SCN8A: variants seen among roughly 807,000 people sequenced by gnomAD.
SCN8A encodes the protein sodium voltage-gated channel alpha subunit 8.
In SCN8A, 30 loss-of-function variants were observed where a neutral mutation model predicts 184.1. That is an observed-to-expected ratio of 0.16 (90% CI 0.12 to 0.22). The LOEUF (loss-of-function observed/expected upper bound fraction) is 0.22. SCN8A is among the 10% of genes least tolerant of loss of function. The pLI is 1.00. For missense variants in SCN8A, 1,057 were observed against 2,498.9 expected, an observed-to-expected ratio of 0.42 and a Z score of 12.30; for synonymous variants, 852 against 907.0, an observed-to-expected ratio of 0.94 and a Z score of 1.09.
At chr12:51,687,333 T>C (rs1941434951) in intron 5 of SCN8A, 114 bp downstream of exon 5, 1 of 1,214,700 alleles carries the variant, frequency 8.2e-7, no homozygotes, top group Non-Finnish European at 1.2e-6. Flanking sequence ...GAGGAATTAA[T>C]GGATAACCAT....
At chr12:51,770,082 G>A in intron 18 of SCN8A, 97 bp downstream of exon 18, 1 of 800,940 alleles carries the variant, frequency 1.2e-6, no homozygotes, top group Non-Finnish European at 2.1e-6. Flanking sequence ...CAGCTCAGTG[G>A]CTATCTTCAA....
At chr12:51,615,664 A>G (rs1012565135) in intron 1 of SCN8A, among the ~76,000 whole-genome samples, 1 of 152,138 alleles carries the variant, frequency 6.6e-6, no homozygotes, top group South Asian at 2.1e-4. Flanking sequence ...AAACCCAATC[A>G]ATAATGTTAT....
At chr12:51,644,360 T>TCAGTTAAGTTATCC (rs1344130473) in intron 1 of SCN8A, among the ~76,000 whole-genome samples, 9 of 152,188 alleles carry the variant, frequency 5.9e-5, no homozygotes, top group Non-Finnish European at 1.2e-4. Flanking sequence ...CTCAGTTTTC[T>TCAGTTAAGTTATCC]CATCAGTGGT....
chr12:51,646,915 G>A (rs1940603068), intron 1 of SCN8A, among the ~76,000 whole-genome samples: 2 of 152,322 alleles, frequency 1.3e-5, no homozygotes, highest in African/African-American at 2.4e-5. Context: ...TGTACAAGGT[G>A]GAAACCTGTC....
intron 1 of SCN8A, among the ~76,000 whole-genome samples, chr12:51,592,318 C>G (rs1227794804): frequency 6.6e-6 from 1 of 152,002 alleles, no homozygotes; most frequent in African/African-American, 2.4e-5. Context: ...ACTTGGCTAA[C>G]TTTCCAGGGG....
At chr12:51,782,534 C>T (rs868149108) in intron 21 of SCN8A, among the ~76,000 whole-genome samples, 1 of 152,248 alleles carries the variant, frequency 6.6e-6, no homozygotes. Context: ...CTGAGCTCCT[C>T]CGCATCCCCT....
intron 15 of SCN8A, among the ~76,000 whole-genome samples, chr12:51,763,987 C>T (rs1942800085): frequency 6.6e-6 from 1 of 152,180 alleles, no homozygotes; most frequent in South Asian, 2.1e-4. Flanking sequence ...CTGTTTACTA[C>T]TCTTTGGTTA....
intron 26 of SCN8A, among the ~76,000 whole-genome samples, chr12:51,796,025 CAGAG>C (rs1223445586): frequency 6.6e-6 from 1 of 152,034 alleles, no homozygotes; most frequent in Admixed American, 6.6e-5. Context: ...TCCTAGATGA[CAGAG>C]AGAGACCTAG....
At chr12:51,643,575 C>A (rs1291784787) in intron 1 of SCN8A, among the ~76,000 whole-genome samples, 1 of 152,126 alleles carries the variant, frequency 6.6e-6, no homozygotes, top group Non-Finnish European at 1.5e-5. Context: ...CCATTGAATT[C>A]TGGAGTTGAA....
At chr12:51,605,004 C>A (rs1465357210) in intron 1 of SCN8A, among the ~76,000 whole-genome samples, 2 of 152,150 alleles carry the variant, frequency 1.3e-5, no homozygotes, top group South Asian at 2.1e-4. Context: ...TCCTAACGTC[C>A]ACCCTAAAGT....
At position 51,770,567 on chromosome 12, in the gene SCN8A, G is replaced by A. The variant is rs148742419; in HGVS notation, c.3529G>A (p.Glu1177Lys). Residue 1177 changes from glutamate (E) to lysine (K), a missense_variant, in exon 19 of 27, where the codon GAG (glutamate) becomes AAG (lysine). Coordinates refer to ENST00000627620, the MANE Select transcript of SCN8A (RefSeq NM_001330260.2). ...QRFKCCQVNIEEGLGKSWWIL... is the reference protein window; with the variant it reads ...QRFKCCQVNIKEGLGKSWWIL... Reference sequence around the variant, plus strand: ...GTTCAAGTGCTGCCAGGTCAACATCGAGGAAGGGCTAGGCAAGTCTTGGTG... The same window carrying A: ...GTTCAAGTGCTGCCAGGTCAACATCAAGGAAGGGCTAGGCAAGTCTTGGTG... 2.0e-5 allele frequency: 33 copies of A among 1,613,210 alleles called. No homozygotes were observed. Among genetic ancestry groups the A allele is most frequent in the East Asian group, 4.5e-5 (2 of 44,882 alleles).
intron 11 of SCN8A, among the ~76,000 whole-genome samples, chr12:51,712,243 T>G (rs570464864): frequency 9.8e-5 from 15 of 152,344 alleles, no homozygotes; most frequent in African/African-American, 3.1e-4. Context: ...AATCAATAGC[T>G]GCACTTCCTG....
intron 15 of SCN8A, among the ~76,000 whole-genome samples, chr12:51,763,110 T>C (rs925982312): frequency 1.3e-5 from 2 of 152,222 alleles, no homozygotes; most frequent in Non-Finnish European, 2.9e-5. Flanking sequence ...TCTTCATTTC[T>C]TCTGTCATGG....
At chr12:51,713,210 T>G in intron 11 of SCN8A, 1 of 1,161,380 alleles carries the variant, frequency 8.6e-7, no homozygotes, top group South Asian at 1.2e-5. Context: ...TCTTCTGTAA[T>G]ACCACCAACA....
At chr12:51,784,438 C>G (rs2138899869) in intron 21 of SCN8A, among the ~76,000 whole-genome samples, 1 of 152,122 alleles carries the variant, frequency 6.6e-6, no homozygotes, top group East Asian at 1.9e-4. Flanking sequence ...ACCTGTAGTC[C>G]CAGTTACTCG....
At chr12:51,772,887 C>T (rs974377998) in intron 19 of SCN8A, among the ~76,000 whole-genome samples, 20 of 151,774 alleles carry the variant, frequency 1.3e-4, no homozygotes, top group African/African-American at 3.9e-4. Context: ...GAGGCTGAGG[C>T]GGGCGAATCA....
intron 1 of SCN8A, among the ~76,000 whole-genome samples, chr12:51,637,171 T>G (rs934249829): frequency 1.3e-5 from 2 of 152,184 alleles, no homozygotes; most frequent in African/African-American, 4.8e-5. Flanking sequence ...AAATGTTATG[T>G]GTGTTCTGAC....
intron 1 of SCN8A, among the ~76,000 whole-genome samples, chr12:51,603,536 C>T (rs553992077): frequency 1.3e-5 from 2 of 152,252 alleles, no homozygotes; most frequent in African/African-American, 4.8e-5. Context: ...CTTCATATTT[C>T]TCAAAGCTGA....
chr12:51,633,254 C>G (rs1341898342), intron 1 of SCN8A, among the ~76,000 whole-genome samples: 1 of 152,118 alleles, frequency 6.6e-6, no homozygotes, highest in Non-Finnish European at 1.5e-5. Flanking sequence ...CATATATACA[C>G]ATATACATTT....
Sources: allele counts gnomAD v4.1 joint callset (sites outside exome capture counted in the v4.1 genomes callset), GRCh38; gene constraint gnomAD v4.1.1; transcripts MANE v1.5; gene names NCBI Gene and HGNC (gene_info 2026-07-23, HGNC 2026-07-21).